The following ATG4C variants were observed in gnomAD, a reference collection of about 807,000 sequenced individuals.
The protein encoded by ATG4C is cysteine protease ATG4C.
A neutral mutation model predicts 57.6 loss-of-function variants in ATG4C; 56 were observed. That is an observed-to-expected ratio of 0.97 (90% CI 0.78 to 1.21). ATG4C has a LOEUF of 1.21. Ranked by LOEUF, ATG4C falls within the 50% of genes most tolerant of loss-of-function variation. The pLI is 0.00. For missense variants in ATG4C, 595 were observed against 529.8 expected, an observed-to-expected ratio of 1.12 and a Z score of -1.21; for synonymous variants, 157 against 174.1, an observed-to-expected ratio of 0.90 and a Z score of 0.78.
intron 5 of ATG4C, among the ~76,000 whole-genome samples, chr1:62,819,702 C>T (rs1179289909): frequency 1.3e-5 from 2 of 151,846 alleles, no homozygotes; most frequent in African/African-American, 4.8e-5. Context: ...CTGTAATGTA[C>T]TGATAGTGTA....
chr1:62,794,587 T>C (rs893094532), intron 1 of ATG4C, among the ~76,000 whole-genome samples: 1 of 152,216 alleles, frequency 6.6e-6, no homozygotes, highest in Non-Finnish European at 1.5e-5. Flanking sequence ...GTTCCTTTTT[T>C]CAGTCTTTTT....
In ATG4C at chr1:62,864,147, T is replaced by G. The variant is rs776568445; in HGVS notation, c.1365T>G (p.Phe455Leu). The change falls in exon 11 of 11, where the codon TTT (phenylalanine) becomes TTG (leucine). Residue 455 changes from phenylalanine to leucine, a missense_variant. Transcript: ENST00000317868. ...TAAAAAGATTTAGCACGGAAGAGTT[T>G]GTCTTGCTTTAAAGATTAGCACATT... is the stretch of plus-strand genomic sequence containing the variant. ...KQLKRFSTEE[F>L]VLL 2 of 1,599,388 alleles carry G rather than the reference T, an allele frequency of 1.3e-6. No homozygotes were observed. The highest frequency in any genetic ancestry group is 1.1e-5 in the South Asian group (1 of 87,590).
intron 6 of ATG4C, among the ~76,000 whole-genome samples, chr1:62,822,194 G>A (rs1665503634): frequency 6.6e-6 from 1 of 151,832 alleles, no homozygotes; most frequent in African/African-American, 2.4e-5. Flanking sequence ...TTAATACAAG[G>A]GTATCTATAA....
chr1:62,850,905 T>TAC lies in ATG4C; in HGVS notation c.1209+9362_1209+9363dup, dbSNP rs1178613837. Among the ~76,000 whole-genome samples, 23 of 45,524 alleles carry TAC rather than the reference T, an allele frequency of 5.1e-4. 2 individuals are homozygous for TAC. In the East Asian group the frequency reaches 7.4e-3, roughly 15 times the overall value. 29.9% of individuals were successfully genotyped at this position (45,524 alleles called of 152,430 possible). ...ATATATATATATATATATATATACA[T>TAC]ACACATACACACACATTCTGTTTAG... On this transcript the variant is annotated intron_variant, in intron 10 of 10. Coordinates refer to ENST00000317868, the MANE Select transcript of ATG4C (RefSeq NM_032852.4).
At chr1:62,791,150 T>C (rs1664262858) in intron 1 of ATG4C, among the ~76,000 whole-genome samples, 1 of 152,224 alleles carries the variant, frequency 6.6e-6, no homozygotes, top group Non-Finnish European at 1.5e-5. Context: ...TATTGTGAGA[T>C]ATAACCACAT....
At chr1:62,813,978 G>A (rs12122891) in intron 3 of ATG4C, among the ~76,000 whole-genome samples, 22,537 of 152,102 alleles carry the variant, frequency 0.15, 1,777 homozygotes, top group South Asian at 0.2. Context: ...AAATAGGAAC[G>A]TTTTTACACT....
At chr1:62,825,109 A>G (rs1281419489) in intron 6 of ATG4C, among the ~76,000 whole-genome samples, 2 of 151,918 alleles carry the variant, frequency 1.3e-5, no homozygotes, top group African/African-American at 4.8e-5. Flanking sequence ...GGTGGCAGGT[A>G]TCTGTAGTCC....
intron 1 of ATG4C, among the ~76,000 whole-genome samples, chr1:62,787,074 C>T (rs957334680): frequency 6.6e-6 from 1 of 152,100 alleles, no homozygotes; most frequent in African/African-American, 2.4e-5. Context: ...TTGTTGCACC[C>T]TTCACCGAGG....
In ATG4C at chr1:62,829,049, C is replaced by A. The variant is rs755317845; in HGVS notation, c.806C>A (p.Ser269Tyr). 3 of 1,607,830 alleles carry A rather than the reference C, an allele frequency of 1.9e-6. No individual in the cohort carries two copies. The South Asian group carries it at 3.3e-5, about 18-fold the overall frequency. The part of the protein sequence containing the change: ...YVAQDCTVYN[S>Y]DVIDKQSASM... ...ATTATGTTTTTCTCAGTTTACAATT[C>A]TGATGTAATTGATAAACAGAGTGCT... The change falls in exon 7 of 11, where the codon TCT (serine) becomes TAT (tyrosine). Residue 269 changes from serine (S) to tyrosine (Y), a missense_variant. By Grantham distance (144) the Ser-to-Tyr change is moderately radical. Coordinates refer to ENST00000317868, the MANE Select transcript of ATG4C (RefSeq NM_032852.4).
At chr1:62,813,989 G>A (rs1665179032) in intron 3 of ATG4C, among the ~76,000 whole-genome samples, 1 of 152,120 alleles carries the variant, frequency 6.6e-6, no homozygotes, top group Non-Finnish European at 1.5e-5. Flanking sequence ...TTTTTACACT[G>A]TTGGTGGGAG....
chr1:62,861,598 C>A (rs1666856547), intron 10 of ATG4C, among the ~76,000 whole-genome samples: 2 of 103,248 alleles, frequency 1.9e-5, no homozygotes, highest in Non-Finnish European at 4.5e-5. Flanking sequence ...CACACACACA[C>A]ACACACACAC....
At chr1:62,845,288 C>T (rs1248682240) in intron 10 of ATG4C, among the ~76,000 whole-genome samples, 1 of 152,030 alleles carries the variant, frequency 6.6e-6, no homozygotes, top group African/African-American at 2.4e-5. Context: ...TAACCAATCT[C>T]GTGGATATGA....
At chr1:62,809,547 CACTT>C (rs1205240996) in intron 3 of ATG4C, among the ~76,000 whole-genome samples, 1 of 144,882 alleles carries the variant, frequency 6.9e-6, no homozygotes, top group Admixed American at 7.0e-5. Flanking sequence ...AATTATATAT[CACTT>C]AATGTAATAT....
chr1:62,825,915 T>A (rs1317831418), intron 6 of ATG4C, among the ~76,000 whole-genome samples: 2 of 150,156 alleles, frequency 1.3e-5, no homozygotes, highest in African/African-American at 2.4e-5. Flanking sequence ...ACTGATCACT[T>A]TTTTTTTTTG....
chr1:62,860,598 A>G (rs1666821587), intron 10 of ATG4C, among the ~76,000 whole-genome samples: 1 of 152,228 alleles, frequency 6.6e-6, no homozygotes. Flanking sequence ...TACTATTTAC[A>G]TAACTATATA....
chr1:62,833,977 G>A, intron 7 of ATG4C, 61 bp from the exon 8 acceptor site: 1 of 1,424,684 alleles, frequency 7.0e-7, no homozygotes, highest in South Asian at 1.2e-5. Context: ...ATAGAAATTT[G>A]TTTGCTTTGA....
intron 3 of ATG4C, among the ~76,000 whole-genome samples, chr1:62,808,719 G>A (rs1329300678): frequency 6.6e-6 from 1 of 151,938 alleles, no homozygotes; most frequent in African/African-American, 2.4e-5. Flanking sequence ...GAGGGTGTAG[G>A]GTCTGGCAAT....
chr1:62,812,128 G>C (rs1034050382), intron 3 of ATG4C, among the ~76,000 whole-genome samples: 1 of 151,856 alleles, frequency 6.6e-6, no homozygotes, highest in Non-Finnish European at 1.5e-5. Flanking sequence ...AGTCGATTTT[G>C]TCTGATATTA....
At position 62,794,731 on chromosome 1, in the gene ATG4C, T is replaced by C. The variant is rs370808667; in HGVS notation, c.-68-8988T>C. On this transcript the variant is annotated intron_variant, in intron 1 of 10. Transcript: ENST00000317868. The stretch of plus-strand genomic sequence containing the variant: ...AAGATAAGGAAAAGAATTTACAAAC[T>C]GACCATTTATAGAGTACAAGTTCAG... 1.9e-4 allele frequency among the ~76,000 whole-genome samples: 29 copies of C among 152,288 alleles called. No individual in the cohort carries two copies. The East Asian group carries it at 1.9e-3, about 10-fold the overall frequency.
Sources: allele counts gnomAD v4.1 joint callset (sites outside exome capture counted in the v4.1 genomes callset), GRCh38; gene constraint gnomAD v4.1.1; transcripts MANE v1.5; gene names NCBI Gene and HGNC (gene_info 2026-07-23, HGNC 2026-07-21).